Variants in GTF2IRD1 observed in about 807,000 individuals in gnomAD.
The protein encoded by GTF2IRD1 is general transcription factor II-I repeat domain-containing protein 1.
GTF2IRD1 carries 26 observed loss-of-function variants against 113.2 expected under a neutral mutation model. That is an observed-to-expected ratio of 0.23 (90% CI 0.17 to 0.32). The LOEUF (loss-of-function observed/expected upper bound fraction) is 0.32. GTF2IRD1 is among the 10% of genes least tolerant of loss of function. The probability of loss-of-function intolerance (pLI) is 1.00; values close to 1 mark genes in which losing one functional copy is unlikely to be tolerated. For synonymous variants in GTF2IRD1, 484 were observed against 529.1 expected, an observed-to-expected ratio of 0.91 and a Z score of 1.17; for missense variants, 864 against 1,280.8, an observed-to-expected ratio of 0.67 and a Z score of 4.97.
chr7:74,542,756 C>G (rs115018125), intron 14 of GTF2IRD1, among the ~76,000 whole-genome samples: 1 of 152,200 alleles, frequency 6.6e-6, no homozygotes, highest in Non-Finnish European at 1.5e-5. Context: ...GGAATTGGCA[C>G]GGTGCCCAGC....
chr7:74,505,443 GC>G (rs1796251110), intron 1 of GTF2IRD1, among the ~76,000 whole-genome samples: 1 of 152,178 alleles, frequency 6.6e-6, no homozygotes, highest in Non-Finnish European at 1.5e-5. Context: ...GGTCCTACAA[GC>G]CCGGATGACC....
At chr7:74,466,295 C>G (rs1554330788) in intron 1 of GTF2IRD1, among the ~76,000 whole-genome samples, 2 of 152,158 alleles carry the variant, frequency 1.3e-5, no homozygotes, top group African/African-American at 4.8e-5. Flanking sequence ...AAGTGGCTTT[C>G]TGCATGGCCC....
intron 14 of GTF2IRD1, among the ~76,000 whole-genome samples, chr7:74,542,211 T>G (rs2130620573): frequency 6.6e-6 from 1 of 151,818 alleles, no homozygotes; most frequent in East Asian, 2.0e-4. Flanking sequence ...CTGGCCAACC[T>G]AGTGAAACCC....
chr7:74,592,332 T>C (rs59129513), intron 24 of GTF2IRD1, among the ~76,000 whole-genome samples: 21,273 of 151,442 alleles, frequency 0.14, 1,590 homozygotes, highest in Middle Eastern at 0.21. Context: ...CTCAAACTCC[T>C]GACCTCAGGT....
At chr7:74,509,052 G>A (rs999703138) in intron 2 of GTF2IRD1, among the ~76,000 whole-genome samples, 4 of 151,698 alleles carry the variant, frequency 2.6e-5, no homozygotes, top group African/African-American at 7.3e-5. Context: ...GTTCTGTGAT[G>A]GAAGTGTTAA....
rs148400100 is a variant in GTF2IRD1 at position 74,488,004 on chromosome 7, G to A, written c.-6-20071G>A. Among the ~76,000 whole-genome samples the A allele has an allele frequency of 2.1e-3, 326 of 152,242 alleles. 1 individual carries two copies. Among genetic ancestry groups the A allele is most frequent in the African/African-American group, 7.5e-3 (313 of 41,568 alleles). ...CTCAGCATAAAAAATAAAGTTAGCC[G>A]GGTGCAGTGGCTCACACTCATAATC... On this transcript the variant is annotated intron_variant, in intron 1 of 26. Coordinates refer to ENST00000424337, the MANE Select transcript of GTF2IRD1 (RefSeq NM_005685.4).
intron 9 of GTF2IRD1, among the ~76,000 whole-genome samples, chr7:74,534,099 G>A (rs1395658767): frequency 6.6e-5 from 10 of 152,052 alleles, no homozygotes; most frequent in African/African-American, 2.2e-4. Flanking sequence ...GCTCTGTGCC[G>A]TCCTGTGCCT....
At chr7:74,560,555 TTA>T (rs1365632430) in intron 22 of GTF2IRD1, among the ~76,000 whole-genome samples, 3 of 146,908 alleles carry the variant, frequency 2.0e-5, no homozygotes, top group Admixed American at 6.9e-5. Context: ...ATTAAAAATA[TTA>T]TATATATAAT....
chr7:74,533,031 T>G (rs1340699468), intron 9 of GTF2IRD1, among the ~76,000 whole-genome samples: 2 of 151,648 alleles, frequency 1.3e-5, no homozygotes, highest in African/African-American at 4.9e-5. Context: ...ATGCCAGAAC[T>G]CCAGTCCTGG....
chr7:74,510,036 C>A (rs1686227950), intron 2 of GTF2IRD1, among the ~76,000 whole-genome samples: 1 of 152,098 alleles, frequency 6.6e-6, no homozygotes, highest in African/African-American at 2.4e-5. Context: ...AATAAAGGAC[C>A]TCCTTCAAGC....
intron 8 of GTF2IRD1, among the ~76,000 whole-genome samples, chr7:74,526,862 C>T (rs1033294857): frequency 3.9e-5 from 6 of 152,282 alleles, no homozygotes; most frequent in East Asian, 1.9e-4. Context: ...CATTTGACAA[C>T]GAGCTAAGTG....
intron 1 of GTF2IRD1, among the ~76,000 whole-genome samples, chr7:74,466,767 C>G (rs1187032464): frequency 6.6e-6 from 1 of 152,098 alleles, no homozygotes; most frequent in Non-Finnish European, 1.5e-5. Context: ...TGTCTGTCAC[C>G]TTCACAGACA....
rs1193682168 is a variant in GTF2IRD1 at position 74,558,347 on chromosome 7, C to CTTTTTTTTTTTTTTTTTTTTTTTTTT, written c.2108-509_2108-484dup. ...ATTGGTGTGGCTTTTTCTTTCGTTT[C>CTTTTTTTTTTTTTTTTTTTTTTTTTT]TTTTTTTTTTTTTTTTTTTTTTTTT... On this transcript the variant is annotated intron_variant, in intron 20 of 26. Transcript: ENST00000424337. 6.1e-4 allele frequency among the ~76,000 whole-genome samples: 37 copies of CTTTTTTTTTTTTTTTTTTTTTTTTTT among 60,458 alleles called. 11 individuals are homozygous for CTTTTTTTTTTTTTTTTTTTTTTTTTT. The highest frequency in any genetic ancestry group is 7.8e-4 in the Non-Finnish European group (27 of 34,492). 39.7% of individuals were successfully genotyped at this position (60,458 alleles called of 152,430 possible).
chr7:74,494,665 T>C (rs1263880643), intron 1 of GTF2IRD1, among the ~76,000 whole-genome samples: 2 of 151,804 alleles, frequency 1.3e-5, no homozygotes, highest in Non-Finnish European at 2.9e-5. Context: ...GGTGGGAAGA[T>C]CCTTTGAGCC....
At chr7:74,492,331 T>C (rs781873558) in intron 1 of GTF2IRD1, among the ~76,000 whole-genome samples, 21 of 152,024 alleles carry the variant, frequency 1.4e-4, no homozygotes, top group Admixed American at 2.6e-4. Flanking sequence ...CCACCACGCC[T>C]GGCTAATTTT....
At chr7:74,541,332 T>C (rs1798626354) in intron 14 of GTF2IRD1, among the ~76,000 whole-genome samples, 1 of 149,302 alleles carries the variant, frequency 6.7e-6, no homozygotes, top group East Asian at 2.3e-4. Flanking sequence ...CTCTAAAAGA[T>C]TTTTTTTTAA....
At chr7:74,501,005 G>A (rs1358579691) in intron 1 of GTF2IRD1, among the ~76,000 whole-genome samples, 3 of 151,992 alleles carry the variant, frequency 2.0e-5, no homozygotes, top group African/African-American at 2.4e-5. Flanking sequence ...TCATTGAATC[G>A]TCCTTTAAGC....
chr7:74,561,346 CAA>C (rs11452589), intron 22 of GTF2IRD1, among the ~76,000 whole-genome samples: 13 of 77,710 alleles, frequency 1.7e-4, no homozygotes, highest in Admixed American at 1.5e-4. Context: ...TAGATTGTCT[CAA>C]AAAAAAAAAA....
At chr7:74,496,129 C>T (rs1423978099) in intron 1 of GTF2IRD1, among the ~76,000 whole-genome samples, 1 of 151,070 alleles carries the variant, frequency 6.6e-6, no homozygotes, top group East Asian at 2.0e-4. Flanking sequence ...TGTGAGTGTG[C>T]ATGCATATGT....
Sources: allele counts gnomAD v4.1 joint callset (sites outside exome capture counted in the v4.1 genomes callset), GRCh38; gene constraint gnomAD v4.1.1; transcripts MANE v1.5; gene names NCBI Gene and HGNC (gene_info 2026-07-23, HGNC 2026-07-21).